SMG7: variants seen among roughly 807,000 people sequenced by gnomAD.
The protein encoded by SMG7 is nonsense-mediated mRNA decay factor SMG7.
Under a neutral mutation model 148.2 loss-of-function variants are expected in SMG7, and 34 were observed. The observed-to-expected ratio is 0.23, with a 90% confidence interval of 0.17 to 0.31. The LOEUF (loss-of-function observed/expected upper bound fraction) is 0.31. Among genes scored for constraint, SMG7 ranks in the 10% least tolerant of loss-of-function variants. The probability of loss-of-function intolerance (pLI) is 1.00; values close to 1 mark genes in which losing one functional copy is unlikely to be tolerated. For synonymous variants in SMG7, 492 were observed against 515.1 expected, an observed-to-expected ratio of 0.96 and a Z score of 0.61; for missense variants, 1,114 against 1,408.4, an observed-to-expected ratio of 0.79 and a Z score of 3.35.
chr1:183,484,550 G>A (rs896620882), intron 1 of SMG7, among the ~76,000 whole-genome samples: 2 of 151,848 alleles, frequency 1.3e-5, no homozygotes, highest in African/African-American at 4.8e-5. Flanking sequence ...TACAAGTGAT[G>A]GCAGTTCTCA....
intron 15 of SMG7, 120 bp from the exon 16 acceptor site, chr1:183,544,810 C>G: frequency 9.8e-7 from 1 of 1,023,238 alleles, no homozygotes; most frequent in Non-Finnish European, 1.4e-6. Context: ...GACAACATGA[C>G]TAATCTCTTT....
At chr1:183,488,367 T>C (rs761406587) in intron 1 of SMG7, among the ~76,000 whole-genome samples, 1 of 152,138 alleles carries the variant, frequency 6.6e-6, no homozygotes, top group Non-Finnish European at 1.5e-5. Context: ...TAAGATCCAG[T>C]TTCTCAGATG....
chr1:183,544,215 CTT>C (rs1669479588), intron 14 of SMG7, 136 bp from the exon 15 acceptor site: 4 of 603,654 alleles, frequency 6.6e-6, no homozygotes, highest in African/African-American at 3.7e-5. Context: ...CCATTTTTAA[CTT>C]AGGTGAATTT....
chr1:183,518,023 C>T (rs1663948102), intron 4 of SMG7, among the ~76,000 whole-genome samples: 1 of 152,138 alleles, frequency 6.6e-6, no homozygotes, highest in Non-Finnish European at 1.5e-5. Context: ...TCATGGCTTC[C>T]TGCAGCCTCA....
At chr1:183,549,381 A>G in intron 19 of SMG7, 93 bp downstream of exon 19, 1 of 923,190 alleles carries the variant, frequency 1.1e-6, no homozygotes, top group Non-Finnish European at 1.7e-6. Context: ...TTTTTTCTTT[A>G]TTTTCCATGT....
At chr1:183,530,758 T>C (rs920569255) in intron 8 of SMG7, among the ~76,000 whole-genome samples, 2 of 152,158 alleles carry the variant, frequency 1.3e-5, no homozygotes, top group African/African-American at 4.8e-5. Context: ...GCCATCTTTC[T>C]TGGATTATTT....
chr1:183,537,270 G>A (rs975592284), intron 11 of SMG7, 55 bp downstream of exon 11: 1 of 1,268,372 alleles, frequency 7.9e-7, no homozygotes, highest in Non-Finnish European at 1.1e-6. Context: ...ATTAATGGTG[G>A]CTTAATGCCA....
rs1219729905 is a variant in SMG7 at position 183,528,948 on chromosome 1, A to G, written c.613A>G (p.Thr205Ala). 2 of 1,613,612 alleles carry G rather than the reference A, an allele frequency of 1.2e-6. No individual in the cohort carries two copies. The highest frequency in any genetic ancestry group is 2.7e-5 in the African/African-American group (2 of 75,040). Residue 205 changes from threonine to alanine, a missense_variant, in exon 7 of 23, where the codon ACA becomes GCA. Physicochemically the swap from Thr to Ala is moderately conservative, Grantham distance 58 (BLOSUM62 0). Around this residue, in one of 4 missense-constraint regions of SMG7, gnomAD observed 216 missense variants for 329.1 expected, o/e 0.66. Transcript: ENST00000688051. ...LASSKGDHLT[T>A]IFYYCRSIAV... ...TTCTTCCAAAGGAGACCATCTGACC[A>G]CAATTTTCTACTACTGCAGAAGCAT...
chr1:183,504,669 G>A (rs974135090), intron 1 of SMG7, among the ~76,000 whole-genome samples: 2 of 152,146 alleles, frequency 1.3e-5, no homozygotes, highest in African/African-American at 4.8e-5. Context: ...TTTCAATTTT[G>A]TCTAGTCCAC....
At chr1:183,497,623 G>A (rs886530731) in intron 1 of SMG7, among the ~76,000 whole-genome samples, 3 of 152,072 alleles carry the variant, frequency 2.0e-5, no homozygotes, top group Non-Finnish European at 4.4e-5. Context: ...AGGCTGGAGT[G>A]CAGTGGCGCG....
rs1650910739 is a variant in SMG7 at position 183,472,588 on chromosome 1, C to T, written c.-33C>T. On this transcript the variant is annotated 5_prime_UTR_variant, in exon 1 of 23. Coordinates refer to ENST00000688051, the MANE Select transcript of SMG7 (RefSeq NM_001375584.1). Reference sequence around the variant, plus strand: ...GAGGAGCCTGAGAGACCCACGGAGGCTTCGCGGGAAGACGCGGCGGCGGCG... The same window carrying T: ...GAGGAGCCTGAGAGACCCACGGAGGTTTCGCGGGAAGACGCGGCGGCGGCG... 7.0e-7 allele frequency: 1 copy of T among 1,431,850 alleles called. No homozygotes were observed. Among genetic ancestry groups the T allele is most frequent in the African/African-American group, 1.5e-5 (1 of 68,686 alleles). 88.7% of individuals were successfully genotyped at this position (1,431,850 alleles called of 1,614,324 possible).
At position 183,533,226 on chromosome 1, in the gene SMG7, G is replaced by C; in HGVS notation, c.906G>C (p.Leu302=). ...QQLVHVTVIN[L]FQLHHLRDFS... ...TAGTTCATGTCACTGTCATTAACCT[G>C]TTTCAACTTCATCACCTTCGTGACT... is the stretch of plus-strand genomic sequence containing the variant. The change falls in exon 9 of 23, where the codon CTG becomes CTC. Residue 302 remains leucine, a synonymous_variant. Transcript: ENST00000688051. 6.2e-7 allele frequency: 1 copy of C among 1,613,962 alleles called. No individual in the cohort carries two copies. The highest frequency in any genetic ancestry group is 1.1e-5 in the South Asian group (1 of 91,078).
chr1:183,480,705 A>G (rs1653875658), intron 1 of SMG7, among the ~76,000 whole-genome samples: 1 of 152,192 alleles, frequency 6.6e-6, no homozygotes, highest in South Asian at 2.1e-4. Context: ...TGGTATATAC[A>G]CAGAGGCTTT....
At chr1:183,476,171 C>T (rs1652132335) in intron 1 of SMG7, among the ~76,000 whole-genome samples, 1 of 152,158 alleles carries the variant, frequency 6.6e-6, no homozygotes, top group Admixed American at 6.5e-5. Flanking sequence ...ATTATGTTCA[C>T]GTTCTTTGAA....
rs1667977692 is a variant in SMG7 at position 183,537,360 on chromosome 1, G to A, written c.1234+145G>A. 4.8e-6 allele frequency: 3 copies of A among 626,312 alleles called. No homozygotes were observed. In the African/African-American group the frequency reaches 5.5e-5, roughly 12 times the overall value. The allele number at this position is 626,312 out of a possible 1,614,324, so 38.8% of individuals were successfully genotyped here. On this transcript the variant is annotated intron_variant, in intron 11 of 22. Transcript: ENST00000688051. ...AGTGACTGTGAACTCTACATAAGTGGGTGGGTGGAAGTAGATAATGTTCTC... is the reference window on the plus strand; with the variant it reads ...AGTGACTGTGAACTCTACATAAGTGAGTGGGTGGAAGTAGATAATGTTCTC...
In SMG7 at chr1:183,538,364, G is replaced by A; in HGVS notation, c.1235-16G>A. ...TTTAATTAAAATGTTTGCAAATTTT[G>A]ATTTTGACCCTTTAGCGACACCACT... is the stretch of plus-strand genomic sequence containing the variant. On this transcript the variant is annotated splice_polypyrimidine_tract_variant and intron_variant, in intron 11 of 22. Coordinates refer to ENST00000688051, the MANE Select transcript of SMG7 (RefSeq NM_001375584.1). The A allele has an allele frequency of 6.2e-7, 1 of 1,603,766 alleles. No homozygotes were observed.
In SMG7 at chr1:183,497,643, C is replaced by T. The variant is rs144804231; in HGVS notation, c.30-15194C>T. Among the ~76,000 whole-genome samples, 206 of 152,146 alleles carry T rather than the reference C, an allele frequency of 1.4e-3. 1 individual carries two copies. The highest frequency in any genetic ancestry group is 4.4e-3 in the African/African-American group (183 of 41,478). On this transcript the variant is annotated intron_variant, in intron 1 of 22. Coordinates refer to ENST00000688051, the MANE Select transcript of SMG7 (RefSeq NM_001375584.1). ...GGAGTGCAGTGGCGCGATCTTGGCTCACTGCAACCTCTGCCTCCCCGGTTC... is the reference window on the plus strand; with the variant it reads ...GGAGTGCAGTGGCGCGATCTTGGCTTACTGCAACCTCTGCCTCCCCGGTTC...
intron 17 of SMG7, among the ~76,000 whole-genome samples, chr1:183,546,709 G>C (rs528804531): frequency 1.6e-4 from 24 of 152,326 alleles, no homozygotes; most frequent in African/African-American, 5.8e-4. Context: ...AACAAGGTTA[G>C]CCAGTTATCT....
rs1670911265 is a variant in SMG7, at chr1:183,550,879, A to G, written c.3262A>G (p.Arg1088Gly). 1.9e-6 allele frequency: 3 copies of G among 1,614,046 alleles called. No homozygotes were observed. Among genetic ancestry groups the G allele is most frequent in the Non-Finnish European group, 2.5e-6 (3 of 1,180,000 alleles). ...TGGACCCATTGGGACTCCAGATAACAGGGATAGAAGGACTGCAGATCGGTG... is the reference window on the plus strand; with the variant it reads ...TGGACCCATTGGGACTCCAGATAACGGGGATAGAAGGACTGCAGATCGGTG... ...NFGPIGTPDN[R>G]DRRTADRWKT... is the part of the protein sequence containing the mutation. Residue 1088 changes from arginine to glycine, a missense_variant, in exon 21 of 23, where the codon AGG becomes GGG. By Grantham distance (125) the Arg-to-Gly change is moderately radical (BLOSUM62 -2). Transcript: ENST00000688051.
Sources: gnomAD v4.1 joint callset for allele counts (sites outside exome capture counted in the v4.1 genomes callset) on GRCh38, gnomAD v4.1.1 for gene constraint, gnomAD v4.1.1 regional missense constraint, MANE v1.5 for transcripts, NCBI Gene and HGNC (gene_info 2026-07-23, HGNC 2026-07-21) for gene names.